COL6A5: variants seen among roughly 807,000 people sequenced by gnomAD.
COL6A5 encodes collagen type VI alpha 5 chain.
COL6A5 carries 48 observed loss-of-function variants against 65.6 expected under a neutral mutation model. The ratio of observed to expected loss-of-function variants is 0.73; its 90% CI spans 0.58 to 0.93. The LOEUF (loss-of-function observed/expected upper bound fraction) is 0.93. Ranked by LOEUF, COL6A5 falls within the 40% of genes least tolerant of loss-of-function variation. COL6A5 has a pLI of 0.00. For synonymous variants in COL6A5, 291 were observed against 322.8 expected (o/e 0.90, Z 1.05); for missense variants, 914 against 928.3 (o/e 0.98, Z 0.20).
chr3:130,385,391 C>T (rs1162628337), intron 5 of COL6A5, 27 bp downstream of exon 5: 1 of 1,534,736 alleles, frequency 6.5e-7, no homozygotes, highest in Admixed American at 2.0e-5. Context: ...AGGCTTTATT[C>T]TCCACATTTC....
intron 5 of COL6A5, among the ~76,000 whole-genome samples, chr3:130,385,937 G>A (rs1000853902): frequency 1.3e-5 from 2 of 151,936 alleles, no homozygotes; most frequent in African/African-American, 4.8e-5. Flanking sequence ...TGTAATAATT[G>A]TTCATTTTTA....
intron 25 of COL6A5, among the ~76,000 whole-genome samples, chr3:130,420,818 G>A (rs1937503161): frequency 6.6e-6 from 1 of 151,942 alleles, no homozygotes; most frequent in African/African-American, 2.4e-5. Flanking sequence ...TTGACTATTT[G>A]TAATCCTTCT....
intron 1 of COL6A5, among the ~76,000 whole-genome samples, chr3:130,433,083 A>T (rs115480940): frequency 0.026 from 3,962 of 152,246 alleles, 167 homozygotes; most frequent in African/African-American, 0.092. Context: ...TATAACATGG[A>T]GAGAATCAAT....
At chr3:130,372,123 A>C (rs565592451) in intron 1 of COL6A5, among the ~76,000 whole-genome samples, 2 of 152,330 alleles carry the variant, frequency 1.3e-5, no homozygotes, top group African/African-American at 4.8e-5. Context: ...AATGAAAACC[A>C]TTTATACCCA....
At chr3:130,349,214 G>A (rs546438065) in intron 1 of COL6A5, among the ~76,000 whole-genome samples, 14 of 152,108 alleles carry the variant, frequency 9.2e-5, no homozygotes, top group Admixed American at 1.3e-4. Flanking sequence ...AAGTCACTTC[G>A]TTAATTAATT....
chr3:130,395,819 T>A (rs112261746), intron 8 of COL6A5, among the ~76,000 whole-genome samples: 60 of 152,206 alleles, frequency 3.9e-4, no homozygotes, highest in Non-Finnish European at 5.1e-4. Context: ...AGGAAGTAAG[T>A]AAAATAAACA....
chr3:130,375,408 A>G (rs186746142), intron 2 of COL6A5, among the ~76,000 whole-genome samples: 258 of 152,158 alleles, frequency 1.7e-3, no homozygotes, highest in African/African-American at 5.2e-3. Context: ...GAGCAGGTCA[A>G]AGCTAGACCT....
chr3:130,347,274 C>T (rs906482656), intron 1 of COL6A5, among the ~76,000 whole-genome samples: 1 of 151,998 alleles, frequency 6.6e-6, no homozygotes, highest in Non-Finnish European at 1.5e-5. Context: ...TAAAGTAGTT[C>T]CCCGGAGGAC....
intron 24 of COL6A5, 88 bp from the exon 25 acceptor site, chr3:130,418,781 A>C: frequency 1.0e-6 from 1 of 998,114 alleles, no homozygotes; most frequent in Non-Finnish European, 1.6e-6. Context: ...GAGAACCTTG[A>C]GTCTCCTCAT....
At position 130,467,198 on chromosome 3, in the gene COL6A5, T is replaced by G. The variant is rs534686944; in HGVS notation, c.1545-1597T>G. ...AAGCAGTCAATGTGTAATGATCAAATCTGGATAATTGGGATATCTGCGAAT... is the reference window on the plus strand; with the variant it reads ...AAGCAGTCAATGTGTAATGATCAAAGCTGGATAATTGGGATATCTGCGAAT... On this transcript the variant is annotated intron_variant, in intron 5 of 7. Coordinates refer to ENST00000512836, the Ensembl canonical transcript of COL6A5. 2.6e-5 allele frequency among the ~76,000 whole-genome samples: 4 copies of G among 152,022 alleles called. No homozygotes were observed. The South Asian group carries it at 8.3e-4, about 32-fold the overall frequency.
chr3:130,422,328 A>T (rs558820104), intron 27 of COL6A5, among the ~76,000 whole-genome samples: 1 of 151,526 alleles, frequency 6.6e-6, no homozygotes, highest in South Asian at 2.1e-4. Context: ...AATTTTAAAA[A>T]ATCAGAATAG....
exon 5 of COL6A5, chr3:130,384,898 G>A (rs780399230): frequency 1.3e-6 from 2 of 1,550,944 alleles, no homozygotes; most frequent in South Asian, 1.2e-5. Flanking sequence ...AGAGATTTAT[G>A]TTGGAAGTGA....
intron 13 of COL6A5, 100 bp from the exon 14 acceptor site, chr3:130,405,488 A>T: frequency 1.4e-6 from 1 of 714,154 alleles, no homozygotes; most frequent in East Asian, 2.8e-5. Context: ...TCTAAAGCTC[A>T]TAGTGCCCAT....
chr3:130,480,788 G>A (rs891164161), intron 7 of COL6A5, among the ~76,000 whole-genome samples: 1 of 152,126 alleles, frequency 6.6e-6, no homozygotes, highest in South Asian at 2.1e-4. Flanking sequence ...CTAAGATTCT[G>A]TTTTAGACCA....
intron 1 of COL6A5, among the ~76,000 whole-genome samples, chr3:130,362,362 G>T (rs550883773): frequency 4.7e-5 from 6 of 126,868 alleles, no homozygotes; most frequent in African/African-American, 1.9e-4. Context: ...GTGGATGTCT[G>T]GTTGTTTCAG....
intron 17 of COL6A5, among the ~76,000 whole-genome samples, chr3:130,409,111 G>A (rs376698078): frequency 4.6e-5 from 7 of 152,122 alleles, no homozygotes; most frequent in African/African-American, 7.2e-5. Context: ...GTTAGACCAC[G>A]AGAAGTTTTC....
At chr3:130,438,340 C>G (rs566776481) in intron 1 of COL6A5, among the ~76,000 whole-genome samples, 1 of 152,232 alleles carries the variant, frequency 6.6e-6, no homozygotes, top group South Asian at 2.1e-4. Context: ...ATCCCCAGAA[C>G]CTAGAACTAC....
At chr3:130,439,657 A>G in intron 2 of COL6A5, 42 bp downstream of exon 34, 1 of 1,337,924 alleles carries the variant, frequency 7.5e-7, no homozygotes, top group Non-Finnish European at 1.0e-6. Flanking sequence ...AAGAGCTTAA[A>G]TGCCTTCTAG....
intron 1 of COL6A5, among the ~76,000 whole-genome samples, chr3:130,357,578 C>T (rs1408209951): frequency 6.6e-6 from 1 of 152,058 alleles, no homozygotes; most frequent in African/African-American, 2.4e-5. Context: ...AAGTAAAATT[C>T]AACAGCACAT....
Sources: allele counts gnomAD v4.1 joint callset (sites outside exome capture counted in the v4.1 genomes callset), GRCh38; gene constraint gnomAD v4.1.1; transcripts MANE v1.5; gene names NCBI Gene and HGNC (gene_info 2026-07-23, HGNC 2026-07-21).